The following SORCS1 variants were observed in gnomAD, a reference collection of about 807,000 sequenced individuals.
SORCS1 encodes the protein sortilin related VPS10 domain containing receptor 1, also known as VPS10 domain-containing receptor SorCS1.
A neutral mutation model predicts 146.1 loss-of-function variants in SORCS1; 60 were observed. The ratio of observed to expected loss-of-function variants is 0.41; its 90% CI spans 0.33 to 0.51. The LOEUF is 0.51. Ranked by LOEUF, SORCS1 falls within the 20% of genes least tolerant of loss-of-function variation. The pLI, the probability that SORCS1 is intolerant of heterozygous loss-of-function variation, is 0.21. For synonymous variants in SORCS1, 637 were observed against 584.0 expected (o/e 1.09, Z -1.31); for missense variants, 1,352 against 1,487.6 (o/e 0.91, Z 1.50).
chr10:106,655,302 AG>A (rs1021884865), intron 17 of SORCS1, among the ~76,000 whole-genome samples: 2 of 152,242 alleles, frequency 1.3e-5, no homozygotes, highest in African/African-American at 4.8e-5. Context: ...CAGCAATAGT[AG>A]CAAAAAAATG....
intron 1 of SORCS1, among the ~76,000 whole-genome samples, chr10:107,053,278 C>T (rs914500530): frequency 8.5e-5 from 13 of 152,054 alleles, no homozygotes; most frequent in African/African-American, 1.9e-4. Context: ...TGCATACCTC[C>T]GGGGAAATCC....
chr10:106,889,840 G>T (rs970503057), intron 2 of SORCS1, among the ~76,000 whole-genome samples: 1 of 137,896 alleles, frequency 7.3e-6, no homozygotes, highest in Non-Finnish European at 1.5e-5. Flanking sequence ...AGCCGAGATC[G>T]CGCCACTGTA....
At chr10:106,893,114 G>A (rs1293529863) in intron 2 of SORCS1, among the ~76,000 whole-genome samples, 1 of 151,582 alleles carries the variant, frequency 6.6e-6, no homozygotes, top group Non-Finnish European at 1.5e-5. Context: ...TGTTGGCCAG[G>A]CTGGTCTCGA....
At chr10:106,795,731 C>G (rs567896167) in intron 3 of SORCS1, among the ~76,000 whole-genome samples, 2 of 152,208 alleles carry the variant, frequency 1.3e-5, no homozygotes, top group Admixed American at 1.3e-4. Flanking sequence ...AGGAAATTTG[C>G]TACAACTCTA....
intron 1 of SORCS1, among the ~76,000 whole-genome samples, chr10:106,995,128 T>G (rs1465808898): frequency 6.6e-6 from 1 of 151,544 alleles, no homozygotes; most frequent in Non-Finnish European, 1.5e-5. Context: ...CTGGCTAACA[T>G]GGTGAAACCC....
intron 1 of SORCS1, among the ~76,000 whole-genome samples, chr10:107,114,958 A>T (rs1393941065): frequency 1.3e-5 from 2 of 152,104 alleles, no homozygotes; most frequent in African/African-American, 2.4e-5. Flanking sequence ...ATCACCTAAC[A>T]AACAACTATA....
intron 6 of SORCS1, among the ~76,000 whole-genome samples, chr10:106,716,351 A>G (rs983208796): frequency 1.3e-5 from 2 of 152,192 alleles, no homozygotes; most frequent in East Asian, 1.9e-4. Flanking sequence ...AAGGTCATCA[A>G]CCAAGCTCAG....
intron 1 of SORCS1, among the ~76,000 whole-genome samples, chr10:106,989,929 A>T (rs539265829): frequency 6.6e-6 from 1 of 151,746 alleles, no homozygotes; most frequent in East Asian, 1.9e-4. Flanking sequence ...CTCGAGATCC[A>T]CCTGCCTCGG....
chr10:106,935,523 G>C (rs1470354490), intron 2 of SORCS1, among the ~76,000 whole-genome samples: 1 of 152,096 alleles, frequency 6.6e-6, no homozygotes, highest in Non-Finnish European at 1.5e-5. Context: ...ATTCCTAGAA[G>C]AAATAGGAAC....
Position 106,822,802 on chromosome 10 carries a change from T to TTTTTTTTTTTTTTTTG in SORCS1, c.726+6771_726+6772insCAAAAAAAAAAAAAAA, listed in dbSNP as rs994708912. Among the ~76,000 whole-genome samples the TTTTTTTTTTTTTTTTG allele has an allele frequency of 4.6e-3, 643 of 140,046 alleles. 22 individuals are homozygous for TTTTTTTTTTTTTTTTG. The highest frequency in any genetic ancestry group is 0.02 in the East Asian group (86 of 4,308). 91.9% of individuals were successfully genotyped at this position (140,046 alleles called of 152,430 possible). A position where few individuals can be genotyped will look rare whatever the true frequency, so the allele number is the denominator to read the frequency against. ...GTGTGGTTTTTTTTTTTTTTTTTTTTGAATATTGCTCTGTTGTGCCCAGGC... is the reference window on the plus strand; with the variant it reads ...GTGTGGTTTTTTTTTTTTTTTTTTTTTTTTTTTTTTTTTTTGGAATATTGCTCTGTTGTGCCCAGGC... On this transcript the variant is annotated intron_variant, in intron 3 of 25. Coordinates refer to ENST00000263054, the MANE Select transcript of SORCS1 (RefSeq NM_052918.5).
intron 17 of SORCS1, among the ~76,000 whole-genome samples, chr10:106,656,908 C>T (rs1419813874): frequency 6.6e-6 from 1 of 151,930 alleles, no homozygotes; most frequent in Non-Finnish European, 1.5e-5. Context: ...TAGTTTGCAG[C>T]CAAGGTTAAA....
In SORCS1 at chr10:107,045,575, A is replaced by T. The variant is rs556340815; in HGVS notation, c.559-88995T>A. Among the ~76,000 whole-genome samples the T allele has an allele frequency of 9.9e-4, 151 of 152,312 alleles. 2 individuals carry two copies. Among genetic ancestry groups the T allele is most frequent in the African/African-American group, 3.4e-3 (142 of 41,568 alleles). The stretch of plus-strand genomic sequence containing the variant: ...TCAGCTCATCACCAATTCTCCACAG[A>T]AAGGGAAAAGGGTCAACCTATCCAT... On this transcript the variant is annotated intron_variant, in intron 1 of 25. Coordinates refer to ENST00000263054, the MANE Select transcript of SORCS1 (RefSeq NM_052918.5).
At chr10:107,177,078 A>T in the SORCS1 span, among the ~76,000 whole-genome samples, 34,435 of 151,848 alleles carry the variant, frequency 0.23, 4,041 homozygotes, top group African/African-American at 0.28. Flanking sequence ...TAAAATTTAT[A>T]CTTTCATTAT....
intron 1 of SORCS1, among the ~76,000 whole-genome samples, chr10:106,992,425 T>A (rs1412399364): frequency 6.6e-6 from 1 of 152,166 alleles, no homozygotes; most frequent in Admixed American, 6.5e-5. Context: ...GGAAAACCTA[T>A]AGGTAGTTCC....
intron 7 of SORCS1, 142 bp downstream of exon 7, chr10:106,709,081 G>T: frequency 1.6e-6 from 1 of 609,668 alleles, no homozygotes. Context: ...AAAAGATAGT[G>T]ATTTTCCCCT....
In SORCS1 at chr10:106,960,693, G is replaced by A. The variant is rs1017757151; in HGVS notation, c.559-4113C>T. On this transcript the variant is annotated intron_variant, in intron 1 of 25. Coordinates refer to ENST00000263054, the MANE Select transcript of SORCS1 (RefSeq NM_052918.5). The surrounding 1 kb of genome is among the most constrained non-coding windows in gnomAD (Gnocchi z 4.4). ...TGGGATTACAGGCGTGAGCCACTGC[G>A]CCCAGCCAGTCCATACTTAGAGAGA... Among the ~76,000 whole-genome samples the A allele has an allele frequency of 3.9e-5, 6 of 152,196 alleles. No individual in the cohort carries two copies. Among genetic ancestry groups the A allele is most frequent in the Admixed American group, 6.5e-5 (1 of 15,280 alleles).
chr10:106,620,862 G>A (rs531860729), intron 19 of SORCS1, among the ~76,000 whole-genome samples: 10 of 152,320 alleles, frequency 6.6e-5, no homozygotes, highest in Non-Finnish European at 1.0e-4. Flanking sequence ...GGCATCATTT[G>A]GGATTTCACA....
intron 2 of SORCS1, among the ~76,000 whole-genome samples, chr10:106,834,638 G>A (rs1948707945): frequency 6.6e-6 from 1 of 152,064 alleles, no homozygotes; most frequent in African/African-American, 2.4e-5. Flanking sequence ...AGAAATGCCA[G>A]CCTGGACTAA....
At chr10:106,869,280 C>A (rs960389612) in intron 2 of SORCS1, among the ~76,000 whole-genome samples, 1 of 152,152 alleles carries the variant, frequency 6.6e-6, no homozygotes, top group South Asian at 2.1e-4. Flanking sequence ...GAGCTGGTAC[C>A]ATTCTTACTG....
Sources: gnomAD v4.1 joint callset for allele counts (sites outside exome capture counted in the v4.1 genomes callset) on GRCh38, gnomAD v4.1.1 for gene constraint, Gnocchi (gnomAD v3.1) non-coding constraint, MANE v1.5 for transcripts, NCBI Gene and HGNC (gene_info 2026-07-23, HGNC 2026-07-21) for gene names.